The following TRPM6 variants were observed in gnomAD, a reference collection of about 807,000 sequenced individuals.
TRPM6 encodes transient receptor potential cation channel subfamily M member 6.
Under a neutral mutation model 247.6 loss-of-function variants are expected in TRPM6, and 111 were observed. That is an observed-to-expected ratio of 0.45 (90% CI 0.38 to 0.52). The LOEUF (loss-of-function observed/expected upper bound fraction) is 0.52. Ranked by LOEUF, TRPM6 falls within the 20% of genes least tolerant of loss-of-function variation. The pLI is 0.00. For missense variants in TRPM6, 2,126 were observed against 2,421.5 expected (o/e 0.88, Z 2.56); for synonymous variants, 892 against 853.8 (o/e 1.04, Z -0.78).
At chr9:74,872,600 T>TTGTGTGTGTGTGTGTGTG (rs59577843) in intron 1 of TRPM6, among the ~76,000 whole-genome samples, 16 of 150,194 alleles carry the variant, frequency 1.1e-4, no homozygotes, top group African/African-American at 3.9e-4. Context: ...CCAGCAAATT[T>TTGTGTGTGTGTGTGTGTG]TGTGTGTGTG....
intron 5 of TRPM6, among the ~76,000 whole-genome samples, chr9:74,835,902 C>G (rs751373106): frequency 3.3e-5 from 5 of 152,178 alleles, no homozygotes; most frequent in Admixed American, 2.0e-4. Context: ...CGACTATCAG[C>G]ATCCCCCAGG....
intron 2 of TRPM6, 65 bp downstream of exon 2, chr9:74,858,604 A>C: frequency 9.9e-7 from 1 of 1,011,706 alleles, no homozygotes; most frequent in Non-Finnish European, 1.5e-6. Flanking sequence ...CATATTTCTA[A>C]GTTTCTATAA....
chr9:74,743,972 A>T, intron 32 of TRPM6, 123 bp downstream of exon 32: 1 of 956,318 alleles, frequency 1.0e-6, no homozygotes, highest in South Asian at 1.3e-5. Flanking sequence ...CATCAAAGTG[A>T]ACAATAACTT....
intron 22 of TRPM6, 59 bp from the exon 23 acceptor site, chr9:74,782,535 T>G: frequency 6.8e-7 from 1 of 1,476,004 alleles, no homozygotes; most frequent in South Asian, 1.1e-5. Flanking sequence ...CCTGCCACTC[T>G]AGACACACAT....
intron 24 of TRPM6, 31 bp downstream of exon 24, chr9:74,775,852 T>C: frequency 6.2e-7 from 1 of 1,612,334 alleles, no homozygotes; most frequent in African/African-American, 1.3e-5. Flanking sequence ...CTTTTTGCTC[T>C]CTTTCTCCTG....
rs541243750 is a variant in TRPM6, at chr9:74,749,953, A to T, written c.5057+711T>A. Among the ~76,000 whole-genome samples the T allele has an allele frequency of 2.0e-4, 30 of 152,310 alleles. No homozygotes were observed. In the East Asian group the frequency reaches 3.1e-3, roughly 16 times the overall value. On this transcript the variant is annotated intron_variant, in intron 30 of 38. Transcript: ENST00000360774. ...CACTTCCATAGAGTAGATGGTTTTG[A>T]ATTCTACCTGTATGAATAGTTAATG... is the stretch of plus-strand genomic sequence containing the variant.
At chr9:74,802,242 C>CACTAACAGGTTGTGTT in intron 15 of TRPM6, 67 bp from the exon 16 acceptor site, 11 of 1,431,058 alleles carry the variant, frequency 7.7e-6, no homozygotes, top group Non-Finnish European at 1.1e-5. Context: ...CCTAATTCAA[C>CACTAACAGGTTGTGTT]ACAGCAGGTG....
chr9:74,873,952 C>T (rs1308540172), intron 1 of TRPM6, among the ~76,000 whole-genome samples: 2 of 151,912 alleles, frequency 1.3e-5, no homozygotes, highest in African/African-American at 2.4e-5. Flanking sequence ...TAGGGCAGTC[C>T]AGGCTGGGCA....
chr9:74,808,216 T>G, intron 13 of TRPM6, 42 bp from the exon 14 acceptor site: 1 of 1,612,550 alleles, frequency 6.2e-7, no homozygotes, highest in Non-Finnish European at 8.5e-7. Flanking sequence ...TTTAGTTATC[T>G]TCTTTCATTT....
At chr9:74,751,277 G>C (rs1184215821) in intron 29 of TRPM6, among the ~76,000 whole-genome samples, 3 of 152,180 alleles carry the variant, frequency 2.0e-5, no homozygotes, top group African/African-American at 7.2e-5. Context: ...CCTTTTCATA[G>C]TTGTTATTTT....
intron 2 of TRPM6, among the ~76,000 whole-genome samples, chr9:74,856,442 AAT>A (rs1830524392): frequency 2.4e-5 from 3 of 125,558 alleles, no homozygotes; most frequent in South Asian, 2.8e-4. Context: ...CCTGTCTCAA[AAT>A]ATGTGTGTGT....
intron 8 of TRPM6, among the ~76,000 whole-genome samples, chr9:74,821,337 G>A (rs1829122301): frequency 6.6e-6 from 1 of 152,004 alleles, no homozygotes; most frequent in African/African-American, 2.4e-5. Flanking sequence ...CCCAACACTG[G>A]CCACCTCCCT....
At chr9:74,734,006 T>C (rs1385642757) in intron 36 of TRPM6, among the ~76,000 whole-genome samples, 4 of 152,294 alleles carry the variant, frequency 2.6e-5, no homozygotes, top group African/African-American at 4.8e-5. Context: ...CGTATATAAG[T>C]CTTCAATAAA....
intron 8 of TRPM6, 64 bp from the exon 9 acceptor site, chr9:74,820,491 C>A: frequency 1.3e-6 from 2 of 1,597,406 alleles, no homozygotes; most frequent in East Asian, 2.2e-5. Flanking sequence ...AACATCAGTA[C>A]AAGAAAACAC....
At position 74,827,454 on chromosome 9, in the gene TRPM6, T is replaced by C. The variant is rs11144105; in HGVS notation, c.841+324A>G. ...TCTGTGCAGGTGATAAGTGAGCACC[T>C]TGACCATGGTGAACCCACAGCCGGA... On this transcript the variant is annotated intron_variant, in intron 7 of 38. Transcript: ENST00000360774. 1.9e-3 allele frequency among the ~76,000 whole-genome samples: 292 copies of C among 152,176 alleles called. 2 individuals are homozygous for C. The highest frequency in any genetic ancestry group is 6.9e-3 in the African/African-American group (285 of 41,554).
At chr9:74,870,706 C>T (rs181744449) in intron 1 of TRPM6, among the ~76,000 whole-genome samples, 11 of 152,028 alleles carry the variant, frequency 7.2e-5, no homozygotes, top group African/African-American at 2.7e-4. Context: ...GGTGGATCAC[C>T]TGAGGTCAGG....
intron 7 of TRPM6, among the ~76,000 whole-genome samples, chr9:74,826,054 C>T (rs968454622): frequency 2.6e-5 from 4 of 152,078 alleles, no homozygotes; most frequent in African/African-American, 7.2e-5. Flanking sequence ...CCCTCCCCTC[C>T]TCCTACCCCA....
At chr9:74,818,787 T>C (rs1420767604) in intron 9 of TRPM6, among the ~76,000 whole-genome samples, 1 of 152,144 alleles carries the variant, frequency 6.6e-6, no homozygotes, top group Admixed American at 6.5e-5. Flanking sequence ...ATTGTTGTTA[T>C]TGGGCCAACT....
chr9:74,782,670 C>G lies in TRPM6; in HGVS notation c.3094+9G>C, dbSNP rs779076292. ...CAATTTCTGCATGACGGTAAAATCC[C>G]ATACACACCATCTATTTCTCCAGCA... is the stretch of plus-strand genomic sequence containing the variant. On this transcript the variant is annotated intron_variant, in intron 22 of 38. Transcript: ENST00000360774. The G allele has an allele frequency of 1.2e-5, 19 of 1,613,820 alleles. No individual in the cohort carries two copies. The highest frequency in any genetic ancestry group is 1.4e-5 in the Non-Finnish European group (17 of 1,179,852).
Sources: gnomAD v4.1 joint callset for allele counts (sites outside exome capture counted in the v4.1 genomes callset) on GRCh38, gnomAD v4.1.1 for gene constraint, MANE v1.5 for transcripts, NCBI Gene and HGNC (gene_info 2026-07-23, HGNC 2026-07-21) for gene names.